QRICH2: variants seen among roughly 807,000 people sequenced by gnomAD.
QRICH2 encodes the protein glutamine rich 2, also known as glutamine-rich protein 2.
Under a neutral mutation model 168.3 loss-of-function variants are expected in QRICH2, and 119 were observed. The observed-to-expected ratio is 0.71, with a 90% confidence interval of 0.61 to 0.82. QRICH2 has a LOEUF of 0.82. QRICH2 is among the 40% of genes least tolerant of loss of function. The pLI is 0.00. For missense variants in QRICH2, 2,241 were observed against 2,491.6 expected (o/e 0.90, Z 2.14); for synonymous variants, 894 against 951.2 (o/e 0.94, Z 1.11).
At chr17:76,297,659 C>G (rs534451036) in intron 3 of QRICH2, among the ~76,000 whole-genome samples, 2 of 152,276 alleles carry the variant, frequency 1.3e-5, no homozygotes, top group East Asian at 3.9e-4. Flanking sequence ...CAACTCAACA[C>G]TGGCATATGT....
Position 76,292,976 on chromosome 17 carries a change from C to T in QRICH2, c.1751G>A (p.Gly584Asp). The T allele has an allele frequency of 6.2e-7, 1 of 1,614,232 alleles. No homozygotes were observed. The highest frequency in any genetic ancestry group is 8.5e-7 in the Non-Finnish European group (1 of 1,180,050). Residue 584 changes from glycine to aspartate, a missense_variant, in exon 4 of 19, where the codon GGT (glycine) becomes GAT (aspartate). Gly to Asp is a moderately conservative substitution (Grantham distance 94). Coordinates refer to ENST00000680821, the MANE Select transcript of QRICH2 (RefSeq NM_001388453.1). ...TTGGACCAAGCCAGGCTGATATGCACCACGCTGCACCAAAGCACGCTGAAA... is the reference window on the plus strand; with the variant it reads ...TTGGACCAAGCCAGGCTGATATGCATCACGCTGCACCAAAGCACGCTGAAA... Reference protein sequence around the residue: ...GRFQRALVQRGAYQPGLVQPG... With the variant: ...GRFQRALVQRDAYQPGLVQPG...
rs916357082 is a variant in QRICH2, at chr17:76,305,069, A to G, written c.535-128T>C. On this transcript the variant is annotated intron_variant, in intron 1 of 18. Transcript: ENST00000680821. ...CACACATGCATACACGCACATTCAC[A>G]CACTGACTCAGTGCCAGGAGACGAG... is the stretch of plus-strand genomic sequence containing the variant. The G allele has an allele frequency of 7.0e-6, 5 of 718,682 alleles. No homozygotes were observed. The African/African-American group carries it at 8.8e-5, about 13-fold the overall frequency. The allele number at this position is 718,682 out of a possible 1,614,324, so 44.5% of individuals were successfully genotyped here.
rs2071002137 is a variant in QRICH2, at chr17:76,307,146, CAG to C, written c.534+317_534+318del. Among the ~76,000 whole-genome samples, 2 of 152,138 alleles carry C rather than the reference CAG, an allele frequency of 1.3e-5. No individual in the cohort carries two copies. Among genetic ancestry groups the C allele is most frequent in the Non-Finnish European group, 2.9e-5 (2 of 68,014 alleles). On this transcript the variant is annotated intron_variant, in intron 1 of 18. Coordinates refer to ENST00000680821, the MANE Select transcript of QRICH2 (RefSeq NM_001388453.1). The surrounding 1 kb of genome is among the most constrained non-coding windows in gnomAD (Gnocchi z 5.3). ...GTGGTGGGCGAACCTCTCCCGTAAA[CAG>C]GGGCTAGGAAGGAGGGGGTGGGATG...
rs778059539 is a variant in QRICH2 at position 76,277,149 on chromosome 17, G to A, written c.5265+14C>T. On this transcript the variant is annotated intron_variant, in intron 16 of 18. Transcript: ENST00000680821. ...AGGGCCTCCCTCCCTGGTGGCTCCA[G>A]GCAGGGCCCTGACCTTCATGGCAAT... 2.6e-6 allele frequency: 4 copies of A among 1,546,504 alleles called. No homozygotes were observed. Among genetic ancestry groups the A allele is most frequent in the Admixed American group, 2.3e-5 (1 of 43,438 alleles).
chr17:76,279,882 G>T (rs1293264297), intron 12 of QRICH2, 151 bp downstream of exon 12: 1 of 926,044 alleles, frequency 1.1e-6, no homozygotes, highest in Admixed American at 3.0e-5. Context: ...AGCGTTTCAA[G>T]CTCTAAAATT....
At chr17:76,290,869 C>G (rs2070973747) in intron 4 of QRICH2, 146 bp downstream of exon 4, 20 of 1,297,524 alleles carry the variant, frequency 1.5e-5, no homozygotes, top group Non-Finnish European at 2.1e-5. Context: ...ACTCTGAAGG[C>G]TGTGGGACAT....
chr17:76,299,897 G>A (rs1451809336), intron 3 of QRICH2, among the ~76,000 whole-genome samples: 1 of 150,936 alleles, frequency 6.6e-6, no homozygotes, highest in South Asian at 2.1e-4. Flanking sequence ...ATGCGATCTC[G>A]GCTCACTGCA....
In QRICH2 at chr17:76,278,122, G is replaced by T. The variant is rs759590904; in HGVS notation, c.4984C>A (p.Arg1662Ser). 3.7e-6 allele frequency: 6 copies of T among 1,613,138 alleles called. No individual in the cohort carries two copies. The highest frequency in any genetic ancestry group is 5.1e-6 in the Non-Finnish European group (6 of 1,180,034). ...ATCAGCATCTTGGAGTGCATGGAGC[G>T]CAGGCGCCCCACGCTCTGCTCCATC... ...AQMEQSVGRL[R>S]SMHSKMLMNI... The change falls in exon 15 of 19, where the codon CGC (arginine) becomes AGC (serine). Residue 1662 changes from arginine to serine, a missense_variant. Physicochemically the swap from Arg to Ser is moderately radical, Grantham distance 110. Transcript: ENST00000680821.
At chr17:76,300,277 T>C (rs1018565987) in intron 3 of QRICH2, among the ~76,000 whole-genome samples, 1 of 152,138 alleles carries the variant, frequency 6.6e-6, no homozygotes. Flanking sequence ...TAAGAAAGCA[T>C]GTGCGTTTGA....
intron 3 of QRICH2, among the ~76,000 whole-genome samples, chr17:76,294,346 C>A (rs1410726225): frequency 6.6e-6 from 1 of 151,978 alleles, no homozygotes; most frequent in Admixed American, 6.6e-5. Flanking sequence ...ATTGCTTGAA[C>A]CTGGGAGATG....
rs56258903 is a variant in QRICH2 at position 76,287,043 on chromosome 17, AACACACACAC to A, written c.4011+139_4011+148del. ...CCCACCCCCTGCCCACACACCACAT[AACACACACAC>A]ACACACACACACACACACACACACA... On this transcript the variant is annotated intron_variant, in intron 7 of 18. Coordinates refer to ENST00000680821, the MANE Select transcript of QRICH2 (RefSeq NM_001388453.1). 3.8e-4 allele frequency: 78 copies of A among 203,204 alleles called. 1 individual carries two copies. The highest frequency in any genetic ancestry group is 1.3e-3 in the African/African-American group (29 of 22,770). The allele number at this position is 203,204 out of a possible 1,614,324, so 12.6% of individuals were successfully genotyped here.
chr17:76,305,347 G>C (rs745744941), intron 1 of QRICH2, among the ~76,000 whole-genome samples: 1 of 151,830 alleles, frequency 6.6e-6, no homozygotes. Context: ...ACATTTTTTT[G>C]TAGAGATAAG....
In QRICH2 at chr17:76,292,754, C is replaced by T; in HGVS notation, c.1973G>A (p.Gly658Asp). The change falls in exon 4 of 19, where the codon GGT becomes GAT. Residue 658 changes from glycine (G) to aspartate (D), a missense_variant. Around this residue, in one of 3 missense-constraint regions of QRICH2, gnomAD observed 2,047 missense variants for 2,303.8 expected, o/e 0.89. Transcript: ENST00000680821. ...ATCTACACCAGGCTGTACCAAGACA[C>T]CCTGACCTGTGCCAGATTGGACCAA... ...HDLVQSGTGQ[G>D]VLVQPGVDQP... The T allele has an allele frequency of 6.2e-7, 1 of 1,612,332 alleles. No homozygotes were observed. Among genetic ancestry groups the T allele is most frequent in the Non-Finnish European group, 8.5e-7 (1 of 1,179,722 alleles).
In QRICH2 at chr17:76,293,387, A is replaced by G; in HGVS notation, c.1340T>C (p.Val447Ala). 6.2e-7 allele frequency: 1 copy of G among 1,614,190 alleles called. No individual in the cohort carries two copies. The highest frequency in any genetic ancestry group is 8.5e-7 in the Non-Finnish European group (1 of 1,180,024). ...VDEQRMLPPS[V>A]PGRDQQGLEL... ...CAATCCTTGCTGGTCTCTGCCAGGT[A>G]CTGATGGTGGCAACATACGTTGCTC... is the stretch of plus-strand genomic sequence containing the variant. The change falls in exon 4 of 19, where the codon GTA becomes GCA. Residue 447 changes from valine to alanine, a missense_variant. By Grantham distance (64) the Val-to-Ala change is moderately conservative. Around this residue, in one of 3 missense-constraint regions of QRICH2, gnomAD observed 2,047 missense variants for 2,303.8 expected, o/e 0.89. Coordinates refer to ENST00000680821, the MANE Select transcript of QRICH2 (RefSeq NM_001388453.1).
chr17:76,274,124 C>A lies in QRICH2; in HGVS notation c.5619G>T (p.Gly1873=). The change falls in exon 19 of 19, where the codon GGG becomes GGT. Residue 1873 remains glycine, a synonymous_variant. Coordinates refer to ENST00000680821, the MANE Select transcript of QRICH2 (RefSeq NM_001388453.1). The stretch of plus-strand genomic sequence containing the variant: ...GCGGCCCCCGCGTGGGCTCCTCGAG[C>A]CCCTCCCCAGGAGGCATGTCCACGT... ...ERHVDMPPGE[G]LEEPTRGPRS... 6.3e-7 allele frequency: 1 copy of A among 1,588,682 alleles called. No homozygotes were observed. The highest frequency in any genetic ancestry group is 1.8e-5 in the Admixed American group (1 of 54,306).
chr17:76,283,055 T>C (rs2070818047), intron 7 of QRICH2, among the ~76,000 whole-genome samples: 1 of 152,112 alleles, frequency 6.6e-6, no homozygotes, highest in Admixed American at 6.5e-5. Flanking sequence ...GGCCTGGAAG[T>C]TCCCTTTTCC....
chr17:76,287,670 G>C (rs1210405322), intron 6 of QRICH2, 130 bp downstream of exon 6: 1 of 719,472 alleles, frequency 1.4e-6, no homozygotes, highest in East Asian at 2.6e-5. Context: ...ACAATGTGAA[G>C]AGCAGACACA....
Position 76,290,080 on chromosome 17 carries a change from A to G in QRICH2, c.3713-3T>C, listed in dbSNP as rs1248826121. On this transcript the variant is annotated splice_region_variant and splice_polypyrimidine_tract_variant and intron_variant, in intron 4 of 18. Coordinates refer to ENST00000680821, the MANE Select transcript of QRICH2 (RefSeq NM_001388453.1). ...TTCAGGAGGTATGGTCCTTTTGACT[A>G]TGGAAAGCAGAAGCCTTATGATCAG... is the stretch of plus-strand genomic sequence containing the variant. The G allele has an allele frequency of 6.2e-7, 1 of 1,609,938 alleles. No individual in the cohort carries two copies. Among genetic ancestry groups the G allele is most frequent in the Non-Finnish European group, 8.5e-7 (1 of 1,177,198 alleles).
rs138608770 is a variant in QRICH2 at position 76,292,332 on chromosome 17, G to A, written c.2395C>T (p.Arg799Cys). 7.7e-6 allele frequency: 6 copies of A among 776,564 alleles called. No homozygotes were observed. The highest frequency in any genetic ancestry group is 1.4e-4 in the East Asian group (1 of 7,160). 48.1% of individuals were successfully genotyped at this position (776,564 alleles called of 1,614,324 possible). A position where few individuals can be genotyped will look rare whatever the true frequency, so the allele number is the denominator to read the frequency against. Reference sequence around the variant, plus strand: ...ACTGCACCAGGTTGCACCAAACCACGCTGAACTATACCAGGTTGCACCAAA... The same window carrying A: ...ACTGCACCAGGTTGCACCAAACCACACTGAACTATACCAGGTTGCACCAAA... ...RSLVQPGIVQRGLVQPGAVQR... is the reference protein window; with the variant it reads ...RSLVQPGIVQCGLVQPGAVQR... Residue 799 changes from arginine (R) to cysteine (C), a missense_variant, in exon 4 of 19, where the codon CGT becomes TGT. By Grantham distance (180) the Arg-to-Cys change is radical. This residue lies in a region of QRICH2 where 2,047 missense variants were observed against 2,303.8 expected (regional missense o/e 0.89). Coordinates refer to ENST00000680821, the MANE Select transcript of QRICH2 (RefSeq NM_001388453.1).
Sources: gnomAD v4.1 joint callset for allele counts (sites outside exome capture counted in the v4.1 genomes callset) on GRCh38, gnomAD v4.1.1 for gene constraint, gnomAD v4.1.1 regional missense constraint, Gnocchi (gnomAD v3.1) non-coding constraint, MANE v1.5 for transcripts, NCBI Gene and HGNC (gene_info 2026-07-23, HGNC 2026-07-21) for gene names.